RHBDL2: variants seen among roughly 807,000 people sequenced by gnomAD.
The protein encoded by RHBDL2 is rhomboid-related protein 2.
A neutral mutation model predicts 31.7 loss-of-function variants in RHBDL2; 26 were observed. That is an observed-to-expected ratio of 0.82 (90% confidence interval 0.60 to 1.14). The LOEUF (loss-of-function observed/expected upper bound fraction) is 1.14, where lower values mean the gene tolerates loss of function less well. Ranked by LOEUF, RHBDL2 falls within the 50% of genes most tolerant of loss-of-function variation. RHBDL2 has a pLI of 0.00. For synonymous variants in RHBDL2, 123 were observed against 127.2 expected (o/e 0.97, Z 0.22); for missense variants, 336 against 364.4 (o/e 0.92, Z 0.63).
chr1:38,912,620 C>G (rs570606354), intron 3 of RHBDL2, among the ~76,000 whole-genome samples: 1 of 151,376 alleles, frequency 6.6e-6, no homozygotes, highest in East Asian at 1.9e-4. Flanking sequence ...GGGTTTTCAC[C>G]GTGTCACCCA....
intron 4 of RHBDL2, among the ~76,000 whole-genome samples, chr1:38,902,829 G>A (rs1017076202): frequency 2.0e-5 from 3 of 152,102 alleles, no homozygotes; most frequent in Non-Finnish European, 4.4e-5. Flanking sequence ...TGGGATTACA[G>A]GCGTGAGCCA....
intron 6 of RHBDL2, among the ~76,000 whole-genome samples, chr1:38,892,193 T>TC (rs928215717): frequency 2.6e-5 from 4 of 151,890 alleles, no homozygotes; most frequent in Admixed American, 2.0e-4. Flanking sequence ...TGCCCCCCGC[T>TC]CCCCCAACTC....
rs768855794 is a variant in RHBDL2 at position 38,919,199 on chromosome 1, T to C, written c.14A>G (p.His5Arg). 8 of 1,614,154 alleles carry C rather than the reference T, an allele frequency of 5.0e-6. No homozygotes were observed. Among genetic ancestry groups the C allele is most frequent in the African/African-American group, 4.0e-5 (3 of 75,036 alleles). Residue 5 changes from histidine to arginine, a missense_variant, in exon 2 of 8, where the codon CAT becomes CGT. Physicochemically the swap from His to Arg is conservative, Grantham distance 29 (BLOSUM62 0). Coordinates refer to ENST00000372990, the MANE Select transcript of RHBDL2 (RefSeq NM_017821.5). MAAV[H>R]DLEMESMNLN... The stretch of plus-strand genomic sequence containing the variant: ...ATTCATGCTCTCCATCTCCAGATCA[T>C]GAACAGCAGCCATTGTCCTGGGTCC...
At chr1:38,931,307 G>A (rs1643436356) in intron 1 of RHBDL2, among the ~76,000 whole-genome samples, 1 of 152,088 alleles carries the variant, frequency 6.6e-6, no homozygotes, top group African/African-American at 2.4e-5. Context: ...AGATCACGAG[G>A]TCAGGAGATC....
intron 1 of RHBDL2, among the ~76,000 whole-genome samples, chr1:38,941,357 C>T (rs557224813): frequency 9.2e-5 from 14 of 152,126 alleles, no homozygotes; most frequent in African/African-American, 2.7e-4. Context: ...CTGGGGAGAA[C>T]GTGATGGCTG....
rs778089643 is a variant in RHBDL2, at chr1:38,919,118, T to G, written c.95A>C (p.Glu32Ala). 2.5e-6 allele frequency: 4 copies of G among 1,613,996 alleles called. No homozygotes were observed. In the South Asian group the frequency reaches 3.3e-5, roughly 13 times the overall value. The change falls in exon 2 of 8, where the codon GAG becomes GCG. Residue 32 changes from glutamate to alanine, a missense_variant. Glu to Ala is a moderately radical substitution (Grantham distance 107). Coordinates refer to ENST00000372990, the MANE Select transcript of RHBDL2 (RefSeq NM_017821.5). ...GGCCCGATCTTTACCTCCCCCATCC[T>G]CTCTCATTTTCTCCTCTTCCTCCAG... ...EELEEEEKMREDGGGKDRAKS... is the reference protein window; with the variant it reads ...EELEEEEKMRADGGGKDRAKS...
chr1:38,911,638 GT>G lies in RHBDL2; in HGVS notation c.396-205del, dbSNP rs1643147180. ...TGTGTGTGTGTGTGTGTGTGTGTGTGTGTGTGTGCGCGCGCGCGCGCGTGTG... is the reference window on the plus strand; with the variant it reads ...TGTGTGTGTGTGTGTGTGTGTGTGTGGTGTGTGCGCGCGCGCGCGCGTGTG... On this transcript the variant is annotated intron_variant, in intron 3 of 7. Transcript: ENST00000372990. 1.4e-4 allele frequency among the ~76,000 whole-genome samples: 9 copies of G among 63,212 alleles called. 1 individual carries two copies. The highest frequency in any genetic ancestry group is 2.3e-4 in the Non-Finnish European group (5 of 21,600). 41.5% of individuals were successfully genotyped at this position (63,212 alleles called of 152,430 possible).
intron 7 of RHBDL2, 56 bp from the exon 8 acceptor site, chr1:38,886,739 T>G (rs1194281745): frequency 1.1e-5 from 14 of 1,322,106 alleles, no homozygotes; most frequent in Non-Finnish European, 1.4e-5. Flanking sequence ...AATTGTGTAT[T>G]TCAGTTGCAT....
intron 1 of RHBDL2, chr1:38,929,320 C>G: frequency 9.2e-7 from 1 of 1,088,852 alleles, no homozygotes; most frequent in Non-Finnish European, 1.2e-6. Context: ...GACGAGGACT[C>G]TAGGTGGACA....
chr1:38,889,629 A>G (rs1360932150), intron 6 of RHBDL2, among the ~76,000 whole-genome samples: 2 of 152,166 alleles, frequency 1.3e-5, no homozygotes, highest in African/African-American at 4.8e-5. Context: ...ATGAAAGGAA[A>G]TCATTCCATA....
intron 1 of RHBDL2, among the ~76,000 whole-genome samples, chr1:38,932,552 C>T (rs1339402967): frequency 1.3e-5 from 2 of 152,172 alleles, no homozygotes; most frequent in Non-Finnish European, 1.5e-5. Flanking sequence ...CTCCACCTCC[C>T]CAGTTCAAGG....
At chr1:38,926,057 T>A in intron 1 of RHBDL2, 2 of 1,249,044 alleles carry the variant, frequency 1.6e-6, no homozygotes, top group Non-Finnish European at 2.1e-6. Flanking sequence ...GAATTTATCT[T>A]CTCCTGGTGG....
intron 1 of RHBDL2, among the ~76,000 whole-genome samples, chr1:38,928,943 C>A (rs979532606): frequency 2.6e-5 from 4 of 151,934 alleles, no homozygotes; most frequent in Admixed American, 2.6e-4. Flanking sequence ...GTGGTGTGCA[C>A]ACCTGCACTT....
rs1643273287 is a variant in RHBDL2 at position 38,918,948 on chromosome 1, C to G, written c.246+19G>C. The G allele has an allele frequency of 6.2e-7, 1 of 1,603,814 alleles. No individual in the cohort carries two copies. Among genetic ancestry groups the G allele is most frequent in the African/African-American group, 1.3e-5 (1 of 74,774 alleles). ...TCCCCATGCCACTTACCCCGGTGCC[C>G]ACCCCGCTCCCCATTCACCTCGGCC... On this transcript the variant is annotated intron_variant, in intron 2 of 7. Transcript: ENST00000372990.
chr1:38,912,910 A>ATATATATATATGTG (rs1399583863), intron 3 of RHBDL2, among the ~76,000 whole-genome samples: 14 of 41,362 alleles, frequency 3.4e-4, no homozygotes, highest in African/African-American at 1.3e-3. Flanking sequence ...ATATATATAT[A>ATATATATATATGTG]TGTGTGTGTG....
At chr1:38,929,325 T>G in intron 1 of RHBDL2, 2 of 1,125,158 alleles carry the variant, frequency 1.8e-6, no homozygotes, top group South Asian at 2.6e-5. Flanking sequence ...GGACTCTAGG[T>G]GGACACAAGC....
chr1:38,921,412 T>C (rs1643313806), intron 1 of RHBDL2, among the ~76,000 whole-genome samples: 1 of 152,098 alleles, frequency 6.6e-6, no homozygotes, highest in African/African-American at 2.4e-5. Flanking sequence ...ATCTGGCACG[T>C]AGTAAACACC....
chr1:38,911,639 TGTGTGTGCGCGC>T (rs1273303233), intron 3 of RHBDL2, among the ~76,000 whole-genome samples: 7 of 41,758 alleles, frequency 1.7e-4, no homozygotes, highest in African/African-American at 4.2e-4. Context: ...TGTGTGTGTG[TGTGTGTGCGCGC>T]GCGCGCGCGT....
intron 4 of RHBDL2, among the ~76,000 whole-genome samples, chr1:38,911,116 A>T (rs1643135461): frequency 6.6e-6 from 1 of 152,030 alleles, no homozygotes; most frequent in African/African-American, 2.4e-5. Context: ...TGAGTGTGAG[A>T]TACCTGAGGA....
Sources: allele counts gnomAD v4.1 joint callset (sites outside exome capture counted in the v4.1 genomes callset), GRCh38; gene constraint gnomAD v4.1.1; transcripts MANE v1.5; gene names NCBI Gene and HGNC (gene_info 2026-07-23, HGNC 2026-07-21).